The following SNX32 variants were observed in gnomAD, a reference collection of about 807,000 sequenced individuals.
SNX32 encodes the protein sorting nexin-32.
In SNX32, 58 loss-of-function variants were observed where a neutral mutation model predicts 57.0. That is an observed-to-expected ratio of 1.02 (90% CI 0.82 to 1.27). The LOEUF is 1.27. Ranked by LOEUF, SNX32 falls within the 50% of genes most tolerant of loss-of-function variation. SNX32 has a pLI of 0.00. For synonymous variants in SNX32, 262 were observed against 220.4 expected (o/e 1.19, Z -1.67); for missense variants, 589 against 541.2 (o/e 1.09, Z -0.88).
intron 1 of SNX32, among the ~76,000 whole-genome samples, chr11:65,839,127 C>T (rs922063190): frequency 1.1e-4 from 16 of 150,524 alleles, no homozygotes; most frequent in African/African-American, 2.0e-4. Flanking sequence ...CAGCTCACTG[C>T]GACTTCCGCC....
intron 1 of SNX32, among the ~76,000 whole-genome samples, chr11:65,843,042 G>A (rs1243365066): frequency 4.0e-5 from 6 of 149,752 alleles, no homozygotes; most frequent in African/African-American, 1.2e-4. Context: ...GGCTAACATG[G>A]TGAAACCCCG....
chr11:65,849,303 T>C (rs1859089029), intron 1 of SNX32, among the ~76,000 whole-genome samples, 175 bp from the exon 2 acceptor site: 1 of 152,206 alleles, frequency 6.6e-6, no homozygotes, highest in Non-Finnish European at 1.5e-5. Flanking sequence ...TTAAAATGTT[T>C]TGGCAGTTGC....
At chr11:65,836,093 A>G (rs1858661882) in intron 1 of SNX32, among the ~76,000 whole-genome samples, 1 of 152,088 alleles carries the variant, frequency 6.6e-6, no homozygotes. Context: ...GAACAGATGG[A>G]TGCACCCCCC....
rs1158135916 is a variant in SNX32, at chr11:65,852,745, T to C, written c.1028T>C (p.Leu343Pro). 6.2e-7 allele frequency: 1 copy of C among 1,605,216 alleles called. No individual in the cohort carries two copies. Among genetic ancestry groups the C allele is most frequent in the Non-Finnish European group, 8.5e-7 (1 of 1,178,150 alleles). ...EVRPAESHQQ[L>P]CCQRFERLSD... Reference sequence around the variant, plus strand: ...CGGCCCGCCGAGAGCCACCAGCAGCTGTGCTGCCAACGCTTCGAGCGCCTC... The same window carrying C: ...CGGCCCGCCGAGAGCCACCAGCAGCCGTGCTGCCAACGCTTCGAGCGCCTC... The change falls in exon 11 of 13, where the codon CTG becomes CCG. Residue 343 changes from leucine (L) to proline (P), a missense_variant. Physicochemically the swap from Leu to Pro is moderately conservative, Grantham distance 98. Transcript: ENST00000308342.
Position 65,852,927 on chromosome 11 carries a change from A to T in SNX32, c.1127A>T (p.Glu376Val), listed in dbSNP as rs760277569. 20 of 1,613,946 alleles carry T rather than the reference A, an allele frequency of 1.2e-5. No homozygotes were observed. Among genetic ancestry groups the T allele is most frequent in the Non-Finnish European group, 1.6e-5 (19 of 1,180,002 alleles). Residue 376 changes from glutamate to valine, a missense_variant, in exon 12 of 13, where the codon GAG (glutamate) becomes GTG (valine). Coordinates refer to ENST00000308342, the MANE Select transcript of SNX32 (RefSeq NM_152760.3). The part of the protein sequence containing the change: ...RVSSFRKNLI[E>V]LAELELKHAK... ...TCCTCTTTTCGAAAGAATCTCATTG[A>T]GCTGGCAGAGCTGGAGCTCAAACAC...
rs1159400332 is a variant in SNX32 at position 65,851,093 on chromosome 11, G to T, written c.642G>T (p.Leu214=). Residue 214 remains leucine, a synonymous_variant, in exon 7 of 13, where the codon CTG becomes CTT. Transcript: ENST00000308342. The part of the protein sequence containing the change: ...DDFFEHERTF[L]LEYHTRIRDA... Reference sequence around the variant, plus strand: ...TCTTTGAGCATGAGAGGACCTTCCTGTTGGAGTATCACACCCGTATCCGAG... The same window carrying T: ...TCTTTGAGCATGAGAGGACCTTCCTTTTGGAGTATCACACCCGTATCCGAG... 4 of 1,613,884 alleles carry T rather than the reference G, an allele frequency of 2.5e-6. No individual in the cohort carries two copies. The highest frequency in any genetic ancestry group is 3.4e-6 in the Non-Finnish European group (4 of 1,180,020).
At chr11:65,842,917 CCA>C (rs1858882701) in intron 1 of SNX32, among the ~76,000 whole-genome samples, 1 of 139,654 alleles carries the variant, frequency 7.2e-6, no homozygotes, top group Non-Finnish European at 1.5e-5. Flanking sequence ...CCATTGCACT[CCA>C]GCCTGAGCAA....
At chr11:65,836,665 A>G (rs758038324) in intron 1 of SNX32, among the ~76,000 whole-genome samples, 12 of 152,240 alleles carry the variant, frequency 7.9e-5, no homozygotes, top group Non-Finnish European at 1.3e-4. Flanking sequence ...ATGCCCATCA[A>G]TGATAGACTG....
chr11:65,853,247 G>A, intron 12 of SNX32, 35 bp from the exon 13 acceptor site: 1 of 1,613,862 alleles, frequency 6.2e-7, no homozygotes, highest in Non-Finnish European at 8.5e-7. Context: ...GACTCAGGGA[G>A]CAGGGGACTT....
intron 1 of SNX32, among the ~76,000 whole-genome samples, chr11:65,846,464 G>A (rs1249238771): frequency 6.6e-6 from 1 of 151,664 alleles, no homozygotes; most frequent in Non-Finnish European, 1.5e-5. Flanking sequence ...TACTCGGGAG[G>A]CTGAGGCAGG....
At position 65,850,208 on chromosome 11, in the gene SNX32, T is replaced by C. The variant is rs1859129782; in HGVS notation, c.311T>C (p.Leu104Ser). The C allele has an allele frequency of 1.2e-6, 2 of 1,614,014 alleles. No individual in the cohort carries two copies. Among genetic ancestry groups the C allele is most frequent in the Non-Finnish European group, 1.7e-6 (2 of 1,180,026 alleles). Residue 104 changes from leucine to serine, a missense_variant, in exon 4 of 13, where the codon TTG becomes TCG. Coordinates refer to ENST00000308342, the MANE Select transcript of SNX32 (RefSeq NM_152760.3). ...FEASREKLQK[L>S]GEGDSSVTRE... ...GCTTCGAGGGAAAAGCTACAGAAATTGGGCGAGGGGGACAGCTCTGTCACT... is the reference window on the plus strand; with the variant it reads ...GCTTCGAGGGAAAAGCTACAGAAATCGGGCGAGGGGGACAGCTCTGTCACT...
chr11:65,851,813 A>G, intron 9 of SNX32, 134 bp downstream of exon 9: 2 of 936,960 alleles, frequency 2.1e-6, no homozygotes, highest in Admixed American at 2.0e-5. Context: ...TTGGGCTTAC[A>G]CTCCAGACTA....
rs1565255591 is a variant in SNX32 at position 65,852,639 on chromosome 11, T to C, written c.922T>C (p.Tyr308His). 4 of 1,608,656 alleles carry C rather than the reference T, an allele frequency of 2.5e-6. No homozygotes were observed. Among genetic ancestry groups the C allele is most frequent in the African/African-American group, 1.3e-5 (1 of 74,936 alleles). Residue 308 changes from tyrosine to histidine, a missense_variant, in exon 11 of 13, where the codon TAC (tyrosine) becomes CAC (histidine). Physicochemically the swap from Tyr to His is moderately conservative, Grantham distance 83. Coordinates refer to ENST00000308342, the MANE Select transcript of SNX32 (RefSeq NM_152760.3). ...GTGCCCATGGTCCTAGGACCTGCTG[T>C]ACCGGCGGCTGCGGGCACTGGCCGA... ...RDSQAAKDLL[Y>H]RRLRALADYE...
At chr11:65,838,790 TAATGTGGAATCAAAACAAA>T (rs1185044279) in intron 1 of SNX32, among the ~76,000 whole-genome samples, 1 of 152,128 alleles carries the variant, frequency 6.6e-6, no homozygotes, top group Non-Finnish European at 1.5e-5. Context: ...GACCCAGAAT[TAATGTGGAATCAAAACAAA>T]AACATAACTA....
chr11:65,843,090 G>T (rs894831361), intron 1 of SNX32, among the ~76,000 whole-genome samples: 1 of 150,632 alleles, frequency 6.6e-6, no homozygotes, highest in Non-Finnish European at 1.5e-5. Context: ...TGGGCGTGGT[G>T]GGCACCTGTA....
intron 1 of SNX32, among the ~76,000 whole-genome samples, chr11:65,842,568 G>T (rs1304640103): frequency 3.3e-5 from 5 of 151,998 alleles, no homozygotes; most frequent in Non-Finnish European, 5.9e-5. Flanking sequence ...CAAGAGAATG[G>T]CATGAACCCA....
Position 65,852,809 on chromosome 11 carries a change from C to A in SNX32, c.1072+20C>A, listed in dbSNP as rs1351656616. 1.2e-6 allele frequency: 2 copies of A among 1,611,110 alleles called. No homozygotes were observed. The highest frequency in any genetic ancestry group is 1.3e-5 in the African/African-American group (1 of 74,878). On this transcript the variant is annotated intron_variant, in intron 11 of 12. Coordinates refer to ENST00000308342, the MANE Select transcript of SNX32 (RefSeq NM_152760.3). ...AGCAAGGTGAGCCCGCAGCCCCCAGCCCCAGCCTGGGGCCACATGCCCTGC... is the reference window on the plus strand; with the variant it reads ...AGCAAGGTGAGCCCGCAGCCCCCAGACCCAGCCTGGGGCCACATGCCCTGC...
rs1347357985 is a variant in SNX32 at position 65,849,380 on chromosome 11, G to A, written c.37-98G>A. 5.6e-6 allele frequency: 5 copies of A among 891,412 alleles called. No individual in the cohort carries two copies. The Admixed American group carries it at 8.6e-5, about 15-fold the overall frequency. The allele number at this position is 891,412 out of a possible 1,614,324, so 55.2% of individuals were successfully genotyped here. A position where few individuals can be genotyped will look rare whatever the true frequency, so the allele number is the denominator to read the frequency against. ...CCTGGGGCATTGCTGAAGCAGTGCT[G>A]CTGAAGAGGGTTCTGCAGGTGGATC... On this transcript the variant is annotated intron_variant, in intron 1 of 12. Transcript: ENST00000308342.
Position 65,852,677 on chromosome 11 carries a change from C to A in SNX32, c.960C>A (p.Ala320=), listed in dbSNP as rs567216254. The A allele has an allele frequency of 1.3e-5, 21 of 1,597,488 alleles. No individual in the cohort carries two copies. In the African/African-American group the frequency reaches 2.5e-4, roughly 19 times the overall value. ...GGGCACTGGCCGACTACGAGAATGC[C>A]AACAAGGCGCTGGACAAGGCGCGCA... ...RLRALADYEN[A]NKALDKARTR... Residue 320 remains alanine, a synonymous_variant, in exon 11 of 13, where the codon GCC becomes GCA. Transcript: ENST00000308342.
Sources: gnomAD v4.1 joint callset for allele counts (sites outside exome capture counted in the v4.1 genomes callset) on GRCh38, gnomAD v4.1.1 for gene constraint, MANE v1.5 for transcripts, NCBI Gene and HGNC (gene_info 2026-07-23, HGNC 2026-07-21) for gene names.